The following TTC1 variants were observed in gnomAD, a reference collection of about 807,000 sequenced individuals.
TTC1 encodes the protein tetratricopeptide repeat protein 1.
TTC1 carries 31 observed loss-of-function variants against 37.6 expected under a neutral mutation model. The observed-to-expected ratio is 0.82, with a 90% confidence interval of 0.62 to 1.11. The LOEUF is 1.11. Ranked by LOEUF, TTC1 falls within the 50% of genes most tolerant of loss-of-function variation. The pLI, the probability that TTC1 is intolerant of heterozygous loss-of-function variation, is 0.00. For synonymous variants in TTC1, 127 were observed against 122.4 expected, an observed-to-expected ratio of 1.04 and a Z score of -0.25; for missense variants, 351 against 339.0, an observed-to-expected ratio of 1.04 and a Z score of -0.28.
At chr5:160,034,126 CTTTTTTTTTT>C in intron 2 of TTC1, among the ~76,000 whole-genome samples, 1 of 114,558 alleles carries the variant, frequency 8.7e-6, no homozygotes, top group South Asian at 2.8e-4. Context: ...GACCCTATCT[CTTTTTTTTTT>C]TTTTTTTTTT....
intron 2 of TTC1, among the ~76,000 whole-genome samples, chr5:160,033,521 AT>A (rs1756952567): frequency 6.6e-6 from 1 of 152,198 alleles, no homozygotes; most frequent in Non-Finnish European, 1.5e-5. Flanking sequence ...GTATTAATCC[AT>A]TTTCACACTG....
chr5:160,050,806 T>C (rs1757382270), intron 6 of TTC1, among the ~76,000 whole-genome samples: 1 of 151,852 alleles, frequency 6.6e-6, no homozygotes, highest in African/African-American at 2.4e-5. Context: ...TTGTATTTCT[T>C]GTAGAGACAG....
chr5:160,030,281 CAAATG>C (rs1756887116), intron 2 of TTC1, among the ~76,000 whole-genome samples: 1 of 152,148 alleles, frequency 6.6e-6, no homozygotes, highest in East Asian at 1.9e-4. Flanking sequence ...CATAAGCAAA[CAAATG>C]GAATGAGGGA....
intron 2 of TTC1, among the ~76,000 whole-genome samples, chr5:160,014,543 C>G (rs1307180515): frequency 6.6e-6 from 1 of 151,410 alleles, no homozygotes; most frequent in Non-Finnish European, 1.5e-5. Flanking sequence ...TTTTAAAAAG[C>G]CTTTAAAAAT....
chr5:160,058,362 T>C (rs1757600284), intron 7 of TTC1, among the ~76,000 whole-genome samples: 1 of 152,148 alleles, frequency 6.6e-6, no homozygotes, highest in African/African-American at 2.4e-5. Flanking sequence ...CCTGTTAATG[T>C]TGGTATTTTG....
At chr5:160,013,627 C>G (rs138311322) in intron 2 of TTC1, among the ~76,000 whole-genome samples, 1,753 of 151,602 alleles carry the variant, frequency 0.012, 23 homozygotes, top group African/African-American at 0.024. Flanking sequence ...CCTGTAATCC[C>G]AGCTACTTGG....
intron 1 of TTC1, among the ~76,000 whole-genome samples, chr5:160,009,542 C>T (rs906148787): frequency 6.6e-6 from 1 of 152,166 alleles, no homozygotes; most frequent in African/African-American, 2.4e-5. Flanking sequence ...TCTGACTCAG[C>T]TTCTACAGCA....
At position 160,010,825 on chromosome 5, in the gene TTC1, A is replaced by C. The variant is rs1157660202; in HGVS notation, c.297A>C (p.Glu99Asp). 4 of 1,613,038 alleles carry C rather than the reference A, an allele frequency of 2.5e-6. No individual in the cohort carries two copies. The East Asian group carries it at 8.9e-5, about 36-fold the overall frequency. ...SSELDEEYLI[E>D]LEKNMSDEEK... ...AACTAGATGAAGAATACCTAATAGA[A>C]CTGGAAAAAAACATGTCGGATGAAG... is the stretch of plus-strand genomic sequence containing the variant. Residue 99 changes from glutamate to aspartate, a missense_variant, in exon 2 of 8, where the codon GAA (glutamate) becomes GAC (aspartate). Physicochemically the swap from Glu to Asp is conservative, Grantham distance 45 (BLOSUM62 2). Coordinates refer to ENST00000231238, the MANE Select transcript of TTC1 (RefSeq NM_003314.3).
chr5:160,042,693 G>T (rs1351435660), intron 4 of TTC1, among the ~76,000 whole-genome samples: 2 of 152,172 alleles, frequency 1.3e-5, no homozygotes, highest in Non-Finnish European at 1.5e-5. Context: ...CACACTGTGT[G>T]TCTGTAGGTG....
intron 2 of TTC1, among the ~76,000 whole-genome samples, chr5:160,021,083 G>T (rs969717014): frequency 5.9e-5 from 9 of 152,166 alleles, no homozygotes; most frequent in African/African-American, 2.2e-4. Flanking sequence ...ATTAAGAAAG[G>T]TCACTTTGTG....
At position 160,065,225 on chromosome 5, in the gene TTC1, G is replaced by A. The variant is rs375331298; in HGVS notation, c.*160G>A. ...CTCCCTTGTCCCTCTTTTATGATCA[G>A]GGTGAAATGTACTTCCTGATGTAAT... is the stretch of plus-strand genomic sequence containing the variant. On this transcript the variant is annotated 3_prime_UTR_variant, in exon 8 of 8. Coordinates refer to ENST00000231238, the MANE Select transcript of TTC1 (RefSeq NM_003314.3). 2 of 1,013,498 alleles carry A rather than the reference G, an allele frequency of 2.0e-6. No individual in the cohort carries two copies. Among genetic ancestry groups the A allele is most frequent in the South Asian group, 1.4e-5 (1 of 72,116 alleles). 62.8% of individuals were successfully genotyped at this position (1,013,498 alleles called of 1,614,324 possible).
At chr5:160,040,681 C>T (rs1410867061) in intron 4 of TTC1, among the ~76,000 whole-genome samples, 4 of 152,108 alleles carry the variant, frequency 2.6e-5, no homozygotes, top group South Asian at 2.1e-4. Context: ...TGGACTCATG[C>T]GATCCTCCCA....
At chr5:160,045,202 T>C (rs936123716) in intron 5 of TTC1, among the ~76,000 whole-genome samples, 1 of 152,152 alleles carries the variant, frequency 6.6e-6, no homozygotes, top group Non-Finnish European at 1.5e-5. Flanking sequence ...TAAGAAATAG[T>C]TCATTTCCAT....
At chr5:160,016,838 A>C (rs1002033328) in intron 2 of TTC1, among the ~76,000 whole-genome samples, 3 of 152,236 alleles carry the variant, frequency 2.0e-5, no homozygotes, top group African/African-American at 7.2e-5. Flanking sequence ...AAATAATAGT[A>C]GCCAAAGTCT....
chr5:160,026,568 T>C (rs544244488), intron 2 of TTC1, among the ~76,000 whole-genome samples: 12 of 152,344 alleles, frequency 7.9e-5, no homozygotes, highest in African/African-American at 2.6e-4. Context: ...CCTTTTTTGG[T>C]CTCCAGTAAT....
At position 160,049,669 on chromosome 5, in the gene TTC1, C is replaced by A. The variant is rs1444316920; in HGVS notation, c.690+7C>A. ...AGCAAGAGAAGCTTGTATGGTAAAA[C>A]CTAAAATTTTAAAAATATTTTTCCT... On this transcript the variant is annotated splice_region_variant and intron_variant, in intron 6 of 7. Transcript: ENST00000231238. The A allele has an allele frequency of 1.9e-6, 3 of 1,557,104 alleles. No individual in the cohort carries two copies. The highest frequency in any genetic ancestry group is 2.6e-6 in the Non-Finnish European group (3 of 1,159,652).
chr5:160,048,416 A>C (rs571508833), intron 5 of TTC1, among the ~76,000 whole-genome samples: 2 of 152,222 alleles, frequency 1.3e-5, no homozygotes, highest in South Asian at 4.1e-4. Context: ...CGGCCTCCCA[A>C]AGTGCTGGGA....
chr5:160,011,861 T>C (rs1561623450), intron 2 of TTC1, among the ~76,000 whole-genome samples: 1 of 152,184 alleles, frequency 6.6e-6, no homozygotes, highest in African/African-American at 2.4e-5. Flanking sequence ...TACATTGGTA[T>C]TGAGATGAGA....
At chr5:160,024,021 C>T in intron 2 of TTC1, 2 of 1,412,762 alleles carry the variant, frequency 1.4e-6, no homozygotes, top group Non-Finnish European at 2.0e-6. Context: ...CCTTTACAGC[C>T]ACACTTCTTG....
Sources: allele counts gnomAD v4.1 joint callset (sites outside exome capture counted in the v4.1 genomes callset), GRCh38; gene constraint gnomAD v4.1.1; transcripts MANE v1.5; gene names NCBI Gene and HGNC (gene_info 2026-07-23, HGNC 2026-07-21).